PRKCG: variants seen among roughly 807,000 people sequenced by gnomAD.
The protein encoded by PRKCG is protein kinase C gamma type.
PRKCG carries 28 observed loss-of-function variants against 82.0 expected under a neutral mutation model. That is an observed-to-expected ratio of 0.34 (90% CI 0.25 to 0.47). PRKCG has a LOEUF of 0.47. Ranked by LOEUF, PRKCG falls within the 20% of genes least tolerant of loss-of-function variation. The pLI is 1.00. For synonymous variants in PRKCG, 383 were observed against 376.6 expected, an observed-to-expected ratio of 1.02 and a Z score of -0.20; for missense variants, 640 against 952.7, an observed-to-expected ratio of 0.67 and a Z score of 4.32.
chr19:53,894,512 T>G (rs2068704142), intron 9 of PRKCG, among the ~76,000 whole-genome samples: 1 of 151,822 alleles, frequency 6.6e-6, no homozygotes, highest in African/African-American at 2.4e-5. Flanking sequence ...CAGGTTGGAG[T>G]GCAGTGATGC....
intron 14 of PRKCG, among the ~76,000 whole-genome samples, 183 bp from the exon 15 acceptor site, chr19:53,902,890 C>CAAAAAAAAAAAAAAAA (rs56955659): frequency 4.0e-4 from 8 of 19,976 alleles, no homozygotes; most frequent in Admixed American, 7.2e-4. Flanking sequence ...GAGACCCTGT[C>CAAAAAAAAAAAAAAAA]AAAAAAAAAA....
Position 53,898,026 on chromosome 19 carries a change from G to A in PRKCG, c.1007G>A (p.Arg336His), listed in dbSNP as rs1245250025. 5 of 1,614,012 alleles carry A rather than the reference G, an allele frequency of 3.1e-6. No individual in the cohort carries two copies. The highest frequency in any genetic ancestry group is 2.2e-5 in the East Asian group (1 of 44,872). The change falls in exon 10 of 18, where the codon CGC becomes CAC. Residue 336 changes from arginine to histidine, a missense_variant. Coordinates refer to ENST00000263431, the MANE Select transcript of PRKCG (RefSeq NM_002739.5). ...TCCCCTAGTCCCACCGACCCCAAGC[G>A]CTGCTTCTTCGGGGCGAGTCCAGGA... The part of the protein sequence containing the change: ...SPSPSPTDPK[R>H]CFFGASPGRL...
At chr19:53,888,964 GTTGT>G (rs1056075587) in intron 3 of PRKCG, among the ~76,000 whole-genome samples, 1 of 152,030 alleles carries the variant, frequency 6.6e-6, no homozygotes, top group African/African-American at 2.4e-5. Flanking sequence ...TGTTGTTGTT[GTTGT>G]TTGAGACAGA....
In PRKCG at chr19:53,898,510, T is replaced by C; in HGVS notation, c.1163T>C (p.Val388Ala). ...AIKILKKDVI[V>A]QDDDVDCTLV... is the part of the protein sequence containing the mutation. ...AAGATCTTGAAAAAGGACGTGATCGTCCAGGACGACGATGTGGACTGCACG... is the reference window on the plus strand; with the variant it reads ...AAGATCTTGAAAAAGGACGTGATCGCCCAGGACGACGATGTGGACTGCACG... The change falls in exon 11 of 18, where the codon GTC (valine) becomes GCC (alanine). Residue 388 changes from valine (V) to alanine (A), a missense_variant. Physicochemically the swap from Val to Ala is moderately conservative, Grantham distance 64 (BLOSUM62 0). Transcript: ENST00000263431. 1 of 1,613,880 alleles carries C rather than the reference T, an allele frequency of 6.2e-7. No homozygotes were observed. Among genetic ancestry groups the C allele is most frequent in the South Asian group, 1.1e-5 (1 of 91,084 alleles).
chr19:53,898,294 G>C, intron 10 of PRKCG, 146 bp from the exon 11 acceptor site: 2 of 1,327,020 alleles, frequency 1.5e-6, no homozygotes, highest in Non-Finnish European at 2.1e-6. Context: ...TCCTTGAGGG[G>C]ACGGGCGGCA....
chr19:53,887,022 A>C (rs932485443), intron 3 of PRKCG, among the ~76,000 whole-genome samples: 1 of 152,146 alleles, frequency 6.6e-6, no homozygotes, highest in African/African-American at 2.4e-5. Flanking sequence ...AAACGAGTGA[A>C]TAGTGAGAAG....
At chr19:53,885,598 A>G (rs2068625761) in intron 3 of PRKCG, among the ~76,000 whole-genome samples, 1 of 152,172 alleles carries the variant, frequency 6.6e-6, no homozygotes, top group African/African-American at 2.4e-5. Flanking sequence ...ACATCTGGAC[A>G]CTTCCAGGCT....
intron 5 of PRKCG, among the ~76,000 whole-genome samples, chr19:53,890,983 C>T (rs1363087700): frequency 6.6e-6 from 1 of 152,014 alleles, no homozygotes; most frequent in Non-Finnish European, 1.5e-5. Flanking sequence ...AACTCCTGAC[C>T]TCAGGTGATC....
Position 53,907,085 on chromosome 19 carries a change from CAGCCGTCCCGCGTTCA to C in PRKCG, c.*193_*208del. On this transcript the variant is annotated 3_prime_UTR_variant, in exon 18 of 18. Transcript: ENST00000263431. ...CCTTCTGAACTCCATACAGCCTCTA[CAGCCGTCCCGCGTTCA>C]AGACTTGAGCGGAGCCCGATATTCT... is the stretch of plus-strand genomic sequence containing the variant. The C allele has an allele frequency of 7.6e-7, 1 of 1,315,314 alleles. No individual in the cohort carries two copies. The highest frequency in any genetic ancestry group is 1.0e-6 in the Non-Finnish European group (1 of 969,366). The allele number at this position is 1,315,314 out of a possible 1,614,324, so 81.5% of individuals were successfully genotyped here.
rs1204631585 is a variant in PRKCG, at chr19:53,882,512, C to T, written c.18C>T (p.Pro6=). Residue 6 remains proline, a synonymous_variant, in exon 1 of 18, where the codon CCC becomes CCT. Coordinates refer to ENST00000263431, the MANE Select transcript of PRKCG (RefSeq NM_002739.5). The surrounding 1 kb of genome is among the most constrained non-coding windows in gnomAD (Gnocchi z 6.1). ...CTGGGGCCATGGCTGGTCTGGGCCC[C>T]GGCGTAGGCGATTCAGAGGGGGGAC... MAGLG[P]GVGDSEGGPR... 3.7e-6 allele frequency: 6 copies of T among 1,613,990 alleles called. No homozygotes were observed. The highest frequency in any genetic ancestry group is 1.1e-5 in the South Asian group (1 of 91,060).
chr19:53,903,229 TAGAA>T, intron 15 of PRKCG, 76 bp downstream of exon 15: 1 of 1,166,382 alleles, frequency 8.6e-7, no homozygotes, highest in Non-Finnish European at 1.3e-6. Flanking sequence ...AGGAGCCAGT[TAGAA>T]AGGAGCCCAG....
chr19:53,906,887 G>A lies in PRKCG; in HGVS notation c.2086G>A (p.Val696Ile), dbSNP rs751824637. 21 of 1,613,150 alleles carry A rather than the reference G, an allele frequency of 1.3e-5. No individual in the cohort carries two copies. The highest frequency in any genetic ancestry group is 1.5e-5 in the Non-Finnish European group (18 of 1,179,904). Residue 696 changes from valine to isoleucine, a missense_variant, in exon 18 of 18, where the codon GTC becomes ATC. Physicochemically the swap from Val to Ile is conservative, Grantham distance 29 (BLOSUM62 3). This residue lies in a region of PRKCG where 198 missense variants were observed against 273.4 expected (regional missense o/e 0.72). Coordinates refer to ENST00000263431, the MANE Select transcript of PRKCG (RefSeq NM_002739.5). Reference sequence around the variant, plus strand: ...CCCCACCAGCCCAGTGCCTGTGCCCGTCATGTAATCTCACCCGCCGCCACT... The same window carrying A: ...CCCCACCAGCCCAGTGCCTGTGCCCATCATGTAATCTCACCCGCCGCCACT... ...RSPTSPVPVP[V>I]M
Position 53,892,080 on chromosome 19 carries a change from G to A in PRKCG, c.686+250G>A, listed in dbSNP as rs552086837. Among the ~76,000 whole-genome samples the A allele has an allele frequency of 6.6e-6, 1 of 152,220 alleles. No individual in the cohort carries two copies. Among genetic ancestry groups the A allele is most frequent in the Non-Finnish European group, 1.5e-5 (1 of 68,012 alleles). On this transcript the variant is annotated intron_variant, in intron 6 of 17. Transcript: ENST00000263431. This position sits in a 1 kb window ranked among gnomAD's most constrained non-coding sequence, Gnocchi z 5.9. ...CCCAACTTTAGAGTTAGACAGAGAT[G>A]AGAGAGAGAAGAGAGAGTCTCAGAA...
chr19:53,886,591 A>C (rs545027207), intron 3 of PRKCG, among the ~76,000 whole-genome samples: 1 of 151,962 alleles, frequency 6.6e-6, no homozygotes, highest in Admixed American at 6.6e-5. Context: ...ATGTTTTTGT[A>C]GAGATGGAGT....
Position 53,884,377 on chromosome 19 carries a change from T to C in PRKCG, c.285+134T>C. 1 of 876,414 alleles carries C rather than the reference T, an allele frequency of 1.1e-6. No homozygotes were observed. Among genetic ancestry groups the C allele is most frequent in the South Asian group, 1.4e-5 (1 of 73,006 alleles). 54.3% of individuals were successfully genotyped at this position (876,414 alleles called of 1,614,324 possible). A position where few individuals can be genotyped will look rare whatever the true frequency, so the allele number is the denominator to read the frequency against. On this transcript the variant is annotated intron_variant, in intron 3 of 17. Coordinates refer to ENST00000263431, the MANE Select transcript of PRKCG (RefSeq NM_002739.5). This position sits in a 1 kb window ranked among gnomAD's most constrained non-coding sequence, Gnocchi z 4.6. ...GGCTGGAGAGATAGGGGGAGCTATC[T>C]GGCCCAGATTCCTTGCCCTTGGCCT...
chr19:53,882,105 T>G, upstream of PRKCG: 3 of 287,848 alleles, frequency 1.0e-5, no homozygotes, highest in Admixed American at 5.9e-5. This position sits in a 1 kb window ranked among gnomAD's most constrained non-coding sequence, Gnocchi z 6.1. Flanking sequence ...AGGGAGGACA[T>G]TTGTCCCGTG....
intron 11 of PRKCG, among the ~76,000 whole-genome samples, chr19:53,899,962 C>G (rs2068750596): frequency 6.6e-6 from 1 of 152,112 alleles, no homozygotes; most frequent in East Asian, 1.9e-4. Flanking sequence ...TTGGTGTTCC[C>G]GGATTTCGAG....
Position 53,906,846 on chromosome 19 carries a change from A to G in PRKCG, c.2045A>G (p.His682Arg). Residue 682 changes from histidine (H) to arginine (R), a missense_variant, in exon 18 of 18, where the codon CAC becomes CGC. His to Arg is a conservative substitution (Grantham distance 29). Coordinates refer to ENST00000263431, the MANE Select transcript of PRKCG (RefSeq NM_002739.5). ...ACCTACGTGAACCCCGACTTCGTGC[A>G]CCCGGATGCCCGCAGCCCCACCAGC... ...GFTYVNPDFVHPDARSPTSPV... is the reference protein window; with the variant it reads ...GFTYVNPDFVRPDARSPTSPV... 6.2e-7 allele frequency: 1 copy of G among 1,613,564 alleles called. No individual in the cohort carries two copies. The highest frequency in any genetic ancestry group is 8.5e-7 in the Non-Finnish European group (1 of 1,179,956).
At chr19:53,896,522 C>T (rs763059125) in intron 9 of PRKCG, among the ~76,000 whole-genome samples, 5 of 152,032 alleles carry the variant, frequency 3.3e-5, no homozygotes, top group African/African-American at 9.7e-5. Flanking sequence ...CGGGTTCAAG[C>T]GATTCTCCTG....
Sources: allele counts gnomAD v4.1 joint callset (sites outside exome capture counted in the v4.1 genomes callset), GRCh38; gene constraint gnomAD v4.1.1; regional missense constraint gnomAD v4.1.1; non-coding constraint Gnocchi (gnomAD v3.1); transcripts MANE v1.5; gene names NCBI Gene and HGNC (gene_info 2026-07-23, HGNC 2026-07-21).